Variants in PSD3 observed in about 807,000 individuals in gnomAD.
PSD3 encodes the protein pleckstrin and Sec7 domain containing 3, also known as PH and SEC7 domain-containing protein 3.
A neutral mutation model predicts 105.5 loss-of-function variants in PSD3; 49 were observed. The observed-to-expected ratio is 0.46, with a 90% confidence interval of 0.37 to 0.59. The LOEUF (loss-of-function observed/expected upper bound fraction) is 0.59, where lower values mean the gene tolerates loss of function less well. Among genes scored for constraint, PSD3 ranks in the 20% least tolerant of loss-of-function variants. PSD3 has a pLI of 0.00. For synonymous variants in PSD3, 557 were observed against 457.8 expected, an observed-to-expected ratio of 1.22 and a Z score of -2.77; for missense variants, 1,561 against 1,263.8, an observed-to-expected ratio of 1.24 and a Z score of -3.57.
chr8:19,033,014 G>A (rs1050400283), intron 1 of PSD3, among the ~76,000 whole-genome samples: 1 of 152,088 alleles, frequency 6.6e-6, no homozygotes, highest in Non-Finnish European at 1.5e-5. Context: ...GGAAGCGGAG[G>A]TGGGAAGATC....
chr8:18,846,493 C>T (rs1182803564), intron 4 of PSD3, among the ~76,000 whole-genome samples: 2 of 152,166 alleles, frequency 1.3e-5, no homozygotes, highest in African/African-American at 4.8e-5. Context: ...GGTTCTACTG[C>T]TACTCCTGGG....
At chr8:18,707,876 C>T (rs1801996412) in intron 9 of PSD3, among the ~76,000 whole-genome samples, 1 of 152,162 alleles carries the variant, frequency 6.6e-6, no homozygotes, top group Admixed American at 6.5e-5. Context: ...CCACAGAAGA[C>T]AGGTCACAAT....
At chr8:18,696,322 C>A (rs193096290) in intron 9 of PSD3, among the ~76,000 whole-genome samples, 1 of 152,188 alleles carries the variant, frequency 6.6e-6, no homozygotes, top group East Asian at 1.9e-4. Flanking sequence ...TCATTTAATA[C>A]GTATGACAAA....
chr8:18,664,844 G>A (rs1799354680), intron 9 of PSD3, among the ~76,000 whole-genome samples: 1 of 152,158 alleles, frequency 6.6e-6, no homozygotes, highest in Non-Finnish European at 1.5e-5. Context: ...TGAAAATCCT[G>A]AGGCCCTTAC....
chr8:18,612,159 C>A (rs940335055), intron 11 of PSD3, among the ~76,000 whole-genome samples: 1 of 143,096 alleles, frequency 7.0e-6, no homozygotes. Flanking sequence ...TACTAAATTT[C>A]TTTGTTTCTG....
rs148871021 is a variant in PSD3 at position 19,007,026 on chromosome 8, G to A, written c.21+6537C>T. On this transcript the variant is annotated intron_variant, in intron 1 of 15. Coordinates refer to ENST00000327040, the MANE Select transcript of PSD3 (RefSeq NM_015310.4). ...TCCCAGCAATTTGGGAGGCTGAGGG[G>A]GACAGATCACCTGAGGTCAGGAGTT... 1.1e-3 allele frequency among the ~76,000 whole-genome samples: 173 copies of A among 152,080 alleles called. 1 individual carries two copies. The East Asian group carries it at 0.028, about 25-fold the overall frequency.
intron 12 of PSD3, among the ~76,000 whole-genome samples, chr8:18,592,683 C>G (rs1236328909): frequency 6.6e-6 from 1 of 151,536 alleles, no homozygotes; most frequent in Non-Finnish European, 1.5e-5. Flanking sequence ...GTTCAAGGTG[C>G]TCAAAAAAAC....
chr8:18,723,944 A>T (rs924385263), intron 9 of PSD3, among the ~76,000 whole-genome samples: 1 of 152,206 alleles, frequency 6.6e-6, no homozygotes, highest in African/African-American at 2.4e-5. Flanking sequence ...ACAATGGAAT[A>T]CCTAAGGAAG....
At chr8:18,915,277 G>A (rs1044407349) in intron 2 of PSD3, among the ~76,000 whole-genome samples, 4 of 152,002 alleles carry the variant, frequency 2.6e-5, no homozygotes, top group South Asian at 2.1e-4. Flanking sequence ...CTTGACACTC[G>A]TCTAGGCCAT....
At chr8:18,830,922 G>C (rs577529993) in intron 4 of PSD3, among the ~76,000 whole-genome samples, 6 of 152,308 alleles carry the variant, frequency 3.9e-5, no homozygotes, top group Admixed American at 1.3e-4. Context: ...ACTGGGGAAG[G>C]AGCTTCCCTG....
At chr8:18,991,530 G>A (rs1185551954) in intron 1 of PSD3, among the ~76,000 whole-genome samples, 1 of 152,024 alleles carries the variant, frequency 6.6e-6, no homozygotes, top group African/African-American at 2.4e-5. Flanking sequence ...ACCAGAATTG[G>A]TCCAAAATTG....
At chr8:18,724,807 A>ATT (rs1224130728) in intron 9 of PSD3, among the ~76,000 whole-genome samples, 12 of 152,292 alleles carry the variant, frequency 7.9e-5, no homozygotes, top group African/African-American at 2.9e-4. Flanking sequence ...GAATAAAAGC[A>ATT]GCAAGGAAAT....
At chr8:18,843,685 T>A (rs978706941) in intron 4 of PSD3, among the ~76,000 whole-genome samples, 1 of 152,158 alleles carries the variant, frequency 6.6e-6, no homozygotes, top group African/African-American at 2.4e-5. Context: ...TGTTATTTGT[T>A]GCTAATCTGG....
chr8:18,964,617 C>T (rs1824129997), intron 1 of PSD3, among the ~76,000 whole-genome samples: 1 of 151,984 alleles, frequency 6.6e-6, no homozygotes, highest in Admixed American at 6.6e-5. Flanking sequence ...CTACTCTTGA[C>T]TTCTTTATGG....
intron 1 of PSD3, among the ~76,000 whole-genome samples, chr8:19,002,474 G>A (rs73666781): frequency 0.025 from 3,797 of 152,012 alleles, 171 homozygotes; most frequent in African/African-American, 0.087. Context: ...AGTATCTACT[G>A]AAGAGTACCA....
intron 1 of PSD3, among the ~76,000 whole-genome samples, chr8:19,047,557 A>T (rs748663035): frequency 6.6e-6 from 1 of 152,258 alleles, no homozygotes; most frequent in Middle Eastern, 3.4e-3. Flanking sequence ...AGGGAGCTAT[A>T]GAGTTTGAGT....
rs535316636 is a variant in PSD3 at position 18,614,084 on chromosome 8, C to T, written c.2411-13650G>A. 1.3e-3 allele frequency among the ~76,000 whole-genome samples: 199 copies of T among 152,320 alleles called. 1 individual carries two copies. Among genetic ancestry groups the T allele is most frequent in the African/African-American group, 4.5e-3 (187 of 41,574 alleles). On this transcript the variant is annotated intron_variant, in intron 11 of 15. Transcript: ENST00000327040. ...ATAAATGTCTTGTCTTACTGCATTGCGGTCTGGTTTGTCATCTCTTCTTAG... is the reference window on the plus strand; with the variant it reads ...ATAAATGTCTTGTCTTACTGCATTGTGGTCTGGTTTGTCATCTCTTCTTAG...
At chr8:18,749,527 A>G (rs1249816557) in intron 9 of PSD3, among the ~76,000 whole-genome samples, 1 of 152,210 alleles carries the variant, frequency 6.6e-6, no homozygotes, top group East Asian at 1.9e-4. Flanking sequence ...CACTGCTAAG[A>G]AGGCACACGG....
intron 4 of PSD3, among the ~76,000 whole-genome samples, chr8:18,853,738 C>T (rs1256904080): frequency 6.6e-6 from 1 of 152,126 alleles, no homozygotes; most frequent in African/African-American, 2.4e-5. Flanking sequence ...CATGACTAAG[C>T]TCAAATTAGT....
Sources: gnomAD v4.1 joint callset for allele counts (sites outside exome capture counted in the v4.1 genomes callset) on GRCh38, gnomAD v4.1.1 for gene constraint, MANE v1.5 for transcripts, NCBI Gene and HGNC (gene_info 2026-07-23, HGNC 2026-07-21) for gene names.